The following CELF2 variants were observed in gnomAD, a reference collection of about 807,000 sequenced individuals.
CELF2 encodes the protein CUG triplet repeat RNA-binding protein 2.
A neutral mutation model predicts 62.6 loss-of-function variants in CELF2; 8 were observed. The ratio of observed to expected loss-of-function variants is 0.13; its 90% CI spans 0.07 to 0.23. The LOEUF (loss-of-function observed/expected upper bound fraction) is 0.23. Ranked by LOEUF, CELF2 falls within the 10% of genes least tolerant of loss-of-function variation. The probability of loss-of-function intolerance (pLI) is 1.00; values close to 1 mark genes in which losing one functional copy is unlikely to be tolerated. For missense variants in CELF2, 333 were observed against 671.0 expected (o/e 0.50, Z 5.56); for synonymous variants, 258 against 250.0 (o/e 1.03, Z -0.30).
At position 10,931,035 on chromosome 10, in the gene CELF2, G is replaced by A. The variant is rs2066002569; in HGVS notation, c.89+11036G>A. 6.6e-6 allele frequency among the ~76,000 whole-genome samples: 1 copy of A among 152,116 alleles called. No homozygotes were observed. The highest frequency in any genetic ancestry group is 6.5e-5 in the Admixed American group (1 of 15,276). On this transcript the variant is annotated intron_variant, in intron 2 of 13. Coordinates refer to the CELF2 transcript ENST00000636488. The surrounding 1 kb of genome is among the most constrained non-coding windows in gnomAD (Gnocchi z 6.1). ...TTCCACTGATGTTTGGGATTGTCGA[G>A]CTACCAAGAACACATAAATTAATAA...
At chr10:10,970,723 C>T (rs754503178) in intron 2 of CELF2, 3 of 152,188 alleles carry the variant, frequency 2.0e-5, no homozygotes, top group Non-Finnish European at 4.4e-5. Flanking sequence ...CCTCTTCATT[C>T]CAAATTAGCA....
rs2096045740 is a variant in CELF2, at chr10:11,332,453, T to A, written c.*3400T>A. Reference sequence around the variant, plus strand: ...TTTTGGTTTTTTTAATTGAACACATTTCATCTAAGTAAAGCTCAGTTCTTT... The same window carrying A: ...TTTTGGTTTTTTTAATTGAACACATATCATCTAAGTAAAGCTCAGTTCTTT... On this transcript the variant is annotated 3_prime_UTR_variant, in exon 13 of 13. Transcript: ENST00000633077. 6.6e-6 allele frequency: 1 copy of A among 152,478 alleles called. No homozygotes were observed. Among genetic ancestry groups the A allele is most frequent in the African/African-American group, 2.4e-5 (1 of 41,416 alleles). 9.4% of individuals were successfully genotyped at this position (152,478 alleles called of 1,614,324 possible).
At chr10:11,083,493 C>G (rs2074582583) in intron 1 of CELF2, among the ~76,000 whole-genome samples, 1 of 152,148 alleles carries the variant, frequency 6.6e-6, no homozygotes, top group Non-Finnish European at 1.5e-5. Flanking sequence ...CCCCAAATAA[C>G]CAGCCTATCA....
rs1344421107 is a variant in CELF2, at chr10:10,931,658, G to T, written c.89+11659G>T. Among the ~76,000 whole-genome samples the T allele has an allele frequency of 2.0e-5, 3 of 152,100 alleles. No homozygotes were observed. The highest frequency in any genetic ancestry group is 2.4e-5 in the African/African-American group (1 of 41,416). On this transcript the variant is annotated intron_variant, in intron 2 of 13. Transcript: ENST00000636488. The surrounding 1 kb of genome is among the most constrained non-coding windows in gnomAD (Gnocchi z 6.1). ...TCAACGTAATAGGTTTCTGCGTATG[G>T]TTTACAAGTTTTTAAAATACATACC... is the stretch of plus-strand genomic sequence containing the variant.
chr10:11,173,477 A>T (rs933124740), intron 2 of CELF2, among the ~76,000 whole-genome samples: 2 of 152,242 alleles, frequency 1.3e-5, no homozygotes, highest in African/African-American at 4.8e-5. Flanking sequence ...AGAAGTGTTC[A>T]GAATTCTAGC....
intron 1 of CELF2, among the ~76,000 whole-genome samples, chr10:11,090,007 C>T (rs1217133103): frequency 6.6e-6 from 1 of 152,100 alleles, no homozygotes; most frequent in Non-Finnish European, 1.5e-5. Flanking sequence ...AAACCATAGA[C>T]ACCAGGAACT....
At chr10:11,103,045 CTCCTTTGCCTA>C (rs945701821) in intron 1 of CELF2, among the ~76,000 whole-genome samples, 1 of 152,190 alleles carries the variant, frequency 6.6e-6, no homozygotes, top group African/African-American at 2.4e-5. Context: ...TCCAGTGCCT[CTCCTTTGCCTA>C]ATGGTTAATG....
At chr10:10,976,191 T>G (rs910424346) in intron 2 of CELF2, among the ~76,000 whole-genome samples, 16 of 152,222 alleles carry the variant, frequency 1.1e-4, no homozygotes, top group African/African-American at 3.4e-4. Flanking sequence ...ATCCAGACAC[T>G]GTTTTGGTCA....
chr10:11,158,125 G>C (rs1437580480), intron 1 of CELF2, among the ~76,000 whole-genome samples: 1 of 152,154 alleles, frequency 6.6e-6, no homozygotes, highest in Non-Finnish European at 1.5e-5. Context: ...AACTGACGGT[G>C]AAACCAGTCT....
the CELF2 span, among the ~76,000 whole-genome samples, chr10:10,500,109 A>G: frequency 2.6e-5 from 4 of 152,182 alleles, no homozygotes; most frequent in African/African-American, 9.7e-5. Context: ...AACTGTCTTA[A>G]GTCTCATTTG....
chr10:11,101,380 C>T (rs1027181362), intron 1 of CELF2, among the ~76,000 whole-genome samples: 1 of 152,168 alleles, frequency 6.6e-6, no homozygotes, highest in African/African-American at 2.4e-5. Context: ...GGTGTAATTT[C>T]AGCCATGGGT....
the CELF2 span, among the ~76,000 whole-genome samples, chr10:10,782,069 T>A: frequency 6.6e-6 from 1 of 152,320 alleles, no homozygotes; most frequent in South Asian, 2.1e-4. Context: ...TATGAAAATA[T>A]TATGCCATTT....
rs532924034 is a variant in CELF2, at chr10:11,046,119, T to G, written c.74+27956T>G. On this transcript the variant is annotated intron_variant, in intron 1 of 12. Transcript: ENST00000633077. This position sits in a 1 kb window ranked among gnomAD's most constrained non-coding sequence, Gnocchi z 4.6. ...TCTACACCTTCCAGCTCTGTTCTAT[T>G]TGCTGCTGTTTAATGTTTTCCTGCC... Among the ~76,000 whole-genome samples the G allele has an allele frequency of 6.6e-6, 1 of 152,300 alleles. No homozygotes were observed. Among genetic ancestry groups the G allele is most frequent in the Admixed American group, 6.5e-5 (1 of 15,298 alleles).
In CELF2 at chr10:11,098,857, G is replaced by A. The variant is rs1335262634; in HGVS notation, c.75-66629G>A. On this transcript the variant is annotated intron_variant, in intron 1 of 12. Coordinates refer to ENST00000633077, the MANE Select transcript of CELF2 (RefSeq NM_001326342.2). The surrounding 1 kb of genome is among the most constrained non-coding windows in gnomAD (Gnocchi z 4.0). The stretch of plus-strand genomic sequence containing the variant: ...TAATTCTACCTGGGCAGCAGGCCAC[G>A]CGTGAGAGCAGCTTCCCCGAACCTC... 1.3e-5 allele frequency among the ~76,000 whole-genome samples: 2 copies of A among 152,180 alleles called. No individual in the cohort carries two copies. Among genetic ancestry groups the A allele is most frequent in the Admixed American group, 6.5e-5 (1 of 15,270 alleles).
chr10:11,256,681 A>AG, intron 4 of CELF2, among the ~76,000 whole-genome samples: 1 of 151,238 alleles, frequency 6.6e-6, no homozygotes, highest in East Asian at 1.9e-4. Context: ...AAAAAAAAAA[A>AG]AAGGCACCTC....
intron 1 of CELF2, among the ~76,000 whole-genome samples, chr10:10,907,127 A>C (rs559236347): frequency 1.2e-4 from 19 of 152,224 alleles, no homozygotes; most frequent in Admixed American, 2.0e-4. Context: ...ACACACACAC[A>C]CATGCATGCA....
chr10:11,312,522 C>T (rs760422026), intron 9 of CELF2, among the ~76,000 whole-genome samples: 3 of 152,144 alleles, frequency 2.0e-5, no homozygotes, highest in Non-Finnish European at 4.4e-5. Context: ...TGGCAAAGAG[C>T]AAAGATAAGT....
Position 11,237,873 on chromosome 10 carries a change from C to T in CELF2, c.355-11280C>T, listed in dbSNP as rs1030251505. Among the ~76,000 whole-genome samples, 1 of 152,154 alleles carries T rather than the reference C, an allele frequency of 6.6e-6. No individual in the cohort carries two copies. Among genetic ancestry groups the T allele is most frequent in the Non-Finnish European group, 1.5e-5 (1 of 68,036 alleles). The stretch of plus-strand genomic sequence containing the variant: ...TAAAATATGAGAGAATACTGTTTGT[C>T]GGTATATGTTATTGAAAGTAATGGT... On this transcript the variant is annotated intron_variant, in intron 3 of 12. Coordinates refer to ENST00000633077, the MANE Select transcript of CELF2 (RefSeq NM_001326342.2). The surrounding 1 kb of genome is among the most constrained non-coding windows in gnomAD (Gnocchi z 4.0).
At chr10:11,116,800 T>G (rs2056655362) in intron 1 of CELF2, among the ~76,000 whole-genome samples, 1 of 152,254 alleles carries the variant, frequency 6.6e-6, no homozygotes, top group African/African-American at 2.4e-5. Flanking sequence ...GTAAGTTGTT[T>G]ATGTCAGTCG....
Sources: allele counts gnomAD v4.1 joint callset (sites outside exome capture counted in the v4.1 genomes callset), GRCh38; gene constraint gnomAD v4.1.1; non-coding constraint Gnocchi (gnomAD v3.1); transcripts MANE v1.5; gene names NCBI Gene and HGNC (gene_info 2026-07-23, HGNC 2026-07-21).